SDK1: variants seen among roughly 807,000 people sequenced by gnomAD.
SDK1 encodes sidekick cell adhesion molecule 1, also known as protein sidekick-1.
Under a neutral mutation model 245.5 loss-of-function variants are expected in SDK1, and 157 were observed. That is an observed-to-expected ratio of 0.64 (90% CI 0.56 to 0.73). The LOEUF is 0.73. Among genes scored for constraint, SDK1 ranks in the 30% least tolerant of loss-of-function variants. The pLI is 0.00. For missense variants in SDK1, 3,583 were observed against 3,002.3 expected (o/e 1.19, Z -4.52); for synonymous variants, 1,647 against 1,278.5 (o/e 1.29, Z -6.15).
At chr7:3,980,238 T>G (rs2128136514) in intron 13 of SDK1, among the ~76,000 whole-genome samples, 1 of 152,350 alleles carries the variant, frequency 6.6e-6, no homozygotes, top group South Asian at 2.1e-4. Flanking sequence ...CGAGTCTTTT[T>G]CAAAACTGTT....
At chr7:3,648,545 C>A (rs1176754721) in intron 4 of SDK1, among the ~76,000 whole-genome samples, 1 of 152,174 alleles carries the variant, frequency 6.6e-6, no homozygotes, top group Non-Finnish European at 1.5e-5. Context: ...TCATAATTGT[C>A]CATGCTTAAA....
intron 4 of SDK1, among the ~76,000 whole-genome samples, chr7:3,748,979 AAATC>A (rs1278001122): frequency 6.6e-6 from 1 of 152,156 alleles, no homozygotes; most frequent in African/African-American, 2.4e-5. Flanking sequence ...CTAGGAAAAA[AAATC>A]AACCAACCAA....
chr7:3,309,833 T>G (rs996456095), intron 1 of SDK1, among the ~76,000 whole-genome samples: 1 of 152,218 alleles, frequency 6.6e-6, no homozygotes, highest in Non-Finnish European at 1.5e-5. Flanking sequence ...TTGTTTTATT[T>G]TTGCCTTGTA....
chr7:3,915,301 A>G (rs775595900), intron 5 of SDK1, among the ~76,000 whole-genome samples: 1 of 152,202 alleles, frequency 6.6e-6, no homozygotes, highest in Non-Finnish European at 1.5e-5. Context: ...AGACCCCTGA[A>G]GAGCATGTAC....
At chr7:4,153,317 G>A (rs943792697) in intron 30 of SDK1, among the ~76,000 whole-genome samples, 1 of 151,582 alleles carries the variant, frequency 6.6e-6, no homozygotes, top group African/African-American at 2.4e-5. Context: ...TGGGCATGGT[G>A]GCTCATGCCT....
Position 3,573,359 on chromosome 7 carries a change from CAG to C in SDK1, c.299-45720_299-45719del, listed in dbSNP as rs1159727812. The stretch of plus-strand genomic sequence containing the variant: ...GGGCCGGTGGGGCCAGAGAGAGCCT[CAG>C]GGGGCTGAGCAGAGCACCCTTCTCT... On this transcript the variant is annotated intron_variant, in intron 1 of 44. Coordinates refer to ENST00000404826, the MANE Select transcript of SDK1 (RefSeq NM_152744.4). Among the ~76,000 whole-genome samples, 12 of 152,126 alleles carry C rather than the reference CAG, an allele frequency of 7.9e-5. No homozygotes were observed. In the South Asian group the frequency reaches 8.3e-4, roughly 11 times the overall value.
chr7:3,381,894 A>G (rs1781496952), intron 1 of SDK1, among the ~76,000 whole-genome samples: 1 of 152,132 alleles, frequency 6.6e-6, no homozygotes, highest in South Asian at 2.1e-4. Flanking sequence ...ATTTTTGAAA[A>G]TTTTAGTTGA....
chr7:3,348,491 TAAA>T (rs367842085), intron 1 of SDK1, among the ~76,000 whole-genome samples: 36,971 of 151,884 alleles, frequency 0.24, 4,814 homozygotes, highest in East Asian at 0.38. Context: ...AAGGGAGAAC[TAAA>T]CATCGAGTGC....
chr7:4,207,892 C>G (rs890253321), intron 36 of SDK1, among the ~76,000 whole-genome samples: 7 of 152,192 alleles, frequency 4.6e-5, no homozygotes, highest in African/African-American at 1.7e-4. Flanking sequence ...GTCTCCCAAA[C>G]AACATTAGCA....
intron 1 of SDK1, among the ~76,000 whole-genome samples, chr7:3,459,895 GT>G: frequency 6.6e-6 from 1 of 152,130 alleles, no homozygotes. Context: ...TATCTCTCGT[GT>G]TTATTGAGGC....
At chr7:4,180,043 G>T (rs1237629161) in intron 35 of SDK1, among the ~76,000 whole-genome samples, 1 of 152,092 alleles carries the variant, frequency 6.6e-6, no homozygotes, top group African/African-American at 2.4e-5. Context: ...CGAGGCAGAC[G>T]TCCAGAGAAA....
chr7:4,109,567 CTG>C (rs1783194475), intron 22 of SDK1, among the ~76,000 whole-genome samples: 1 of 152,240 alleles, frequency 6.6e-6, no homozygotes, highest in Non-Finnish European at 1.5e-5. Flanking sequence ...CCGGCCTTCT[CTG>C]TGTCCCTTGG....
At position 4,225,037 on chromosome 7, in the gene SDK1, T is replaced by C. The variant is rs542326944; in HGVS notation, c.5827+3673T>C. On this transcript the variant is annotated intron_variant, in intron 40 of 44. Coordinates refer to ENST00000404826, the MANE Select transcript of SDK1 (RefSeq NM_152744.4). ...AAAAAAGACACCCGCACTAGAAAAC[T>C]ACAGAAGGGCCTGGCTACGAAACTT... Among the ~76,000 whole-genome samples, 5 of 107,760 alleles carry C rather than the reference T, an allele frequency of 4.6e-5. No homozygotes were observed. In the South Asian group the frequency reaches 1.7e-3, roughly 37 times the overall value. 70.7% of individuals were successfully genotyped at this position (107,760 alleles called of 152,430 possible). A position where few individuals can be genotyped will look rare whatever the true frequency, so the allele number is the denominator to read the frequency against.
chr7:3,324,152 G>C (rs1779885092), intron 1 of SDK1, among the ~76,000 whole-genome samples: 1 of 152,120 alleles, frequency 6.6e-6, no homozygotes, highest in African/African-American at 2.4e-5. Flanking sequence ...CGTAGGGTCA[G>C]ATTCATTTTT....
chr7:3,741,980 T>C (rs1020047541), intron 4 of SDK1, among the ~76,000 whole-genome samples: 3 of 104,670 alleles, frequency 2.9e-5, no homozygotes, highest in Admixed American at 1.1e-4. Context: ...TCCCATATTG[T>C]AGTGTGCATA....
At chr7:3,438,304 C>T (rs954199682) in intron 1 of SDK1, among the ~76,000 whole-genome samples, 4 of 152,102 alleles carry the variant, frequency 2.6e-5, no homozygotes, top group Non-Finnish European at 5.9e-5. Flanking sequence ...ATAGTATGTG[C>T]CTGTTGTCTC....
rs531165693 is a variant in SDK1 at position 4,242,041 on chromosome 7, G to A, written c.6251+128G>A. On this transcript the variant is annotated intron_variant, in intron 43 of 44. Transcript: ENST00000404826. ...TCCAGGAAGCAAAACCCAACCCACCGCCAAGTGCGCTCCCAAACCACCAGG... is the reference window on the plus strand; with the variant it reads ...TCCAGGAAGCAAAACCCAACCCACCACCAAGTGCGCTCCCAAACCACCAGG... 2.3e-4 allele frequency: 249 copies of A among 1,094,824 alleles called. 2 individuals carry two copies. The highest frequency in any genetic ancestry group is 8.9e-4 in the Middle Eastern group (3 of 3,384). The allele number at this position is 1,094,824 out of a possible 1,614,324, so 67.8% of individuals were successfully genotyped here. A position where few individuals can be genotyped will look rare whatever the true frequency, so the allele number is the denominator to read the frequency against.
At chr7:3,648,000 A>G (rs996953238) in intron 4 of SDK1, among the ~76,000 whole-genome samples, 10 of 152,204 alleles carry the variant, frequency 6.6e-5, no homozygotes, top group Non-Finnish European at 4.4e-5. Flanking sequence ...TTGAATAGGT[A>G]ATTACAGGTT....
chr7:3,430,956 A>C (rs1266322221), intron 1 of SDK1, among the ~76,000 whole-genome samples: 2 of 152,180 alleles, frequency 1.3e-5, no homozygotes, highest in Non-Finnish European at 2.9e-5. Flanking sequence ...GATGGAGTGC[A>C]GTGGCTAGAT....
Sources: gnomAD v4.1 joint callset for allele counts (sites outside exome capture counted in the v4.1 genomes callset) on GRCh38, gnomAD v4.1.1 for gene constraint, MANE v1.5 for transcripts, NCBI Gene and HGNC (gene_info 2026-07-23, HGNC 2026-07-21) for gene names.